The following GSK3B variants were observed in gnomAD, a reference collection of about 807,000 sequenced individuals.
GSK3B encodes the protein glycogen synthase kinase 3 beta, also known as glycogen synthase kinase-3 beta.
A neutral mutation model predicts 56.4 loss-of-function variants in GSK3B; 15 were observed. That is an observed-to-expected ratio of 0.27 (90% CI 0.18 to 0.41). The LOEUF (loss-of-function observed/expected upper bound fraction) is 0.41, where lower values mean the gene tolerates loss of function less well. GSK3B is among the 10% of genes least tolerant of loss of function. The probability of loss-of-function intolerance (pLI) is 1.00; values close to 1 mark genes in which losing one functional copy is unlikely to be tolerated. For synonymous variants in GSK3B, 181 were observed against 188.9 expected, an observed-to-expected ratio of 0.96 and a Z score of 0.34; for missense variants, 300 against 513.4, an observed-to-expected ratio of 0.58 and a Z score of 4.02.
intron 1 of GSK3B, among the ~76,000 whole-genome samples, chr3:120,069,854 A>G (rs1170896877): frequency 6.6e-6 from 1 of 152,172 alleles, no homozygotes; most frequent in Non-Finnish European, 1.5e-5. Context: ...AATGCCCTAT[A>G]AAATATATTT....
intron 1 of GSK3B, among the ~76,000 whole-genome samples, chr3:120,089,608 T>C (rs2058494044): frequency 6.6e-6 from 1 of 152,216 alleles, no homozygotes; most frequent in South Asian, 2.1e-4. Flanking sequence ...TAAAAAAGTT[T>C]TATATGAGGA....
intron 10 of GSK3B, among the ~76,000 whole-genome samples, chr3:119,840,213 T>C (rs1257433953): frequency 7.4e-6 from 1 of 134,688 alleles, no homozygotes; most frequent in East Asian, 2.2e-4. Flanking sequence ...AAAACATGTC[T>C]GATGCCGAGA....
At chr3:119,857,365 C>T (rs980825281) in intron 9 of GSK3B, among the ~76,000 whole-genome samples, 1 of 152,176 alleles carries the variant, frequency 6.6e-6, no homozygotes, top group Non-Finnish European at 1.5e-5. Flanking sequence ...ACCCTGTCAC[C>T]GCTTTCAACT....
At chr3:119,851,785 T>C (rs568984843) in intron 9 of GSK3B, among the ~76,000 whole-genome samples, 1 of 152,346 alleles carries the variant, frequency 6.6e-6, no homozygotes, top group East Asian at 1.9e-4. Context: ...ATATAATAAT[T>C]GTCAGTGGTT....
chr3:120,094,440 C>T lies in GSK3B; in HGVS notation c.-1006G>A, dbSNP rs577497448. The stretch of plus-strand genomic sequence containing the variant: ...CCGCATTCGCCCGGGTCAGGAGCTG[C>T]TCTGTGTGAGGAGCGCTGTCTGCGC... On this transcript the variant is annotated 5_prime_UTR_variant, in exon 1 of 11. Transcript: ENST00000264235. 17 of 274,496 alleles carry T rather than the reference C, an allele frequency of 6.2e-5. No individual in the cohort carries two copies. Among genetic ancestry groups the T allele is most frequent in the African/African-American group, 3.6e-4 (16 of 44,882 alleles). 17.0% of individuals were successfully genotyped at this position (274,496 alleles called of 1,614,324 possible).
At chr3:119,892,400 T>C (rs967170679) in intron 7 of GSK3B, among the ~76,000 whole-genome samples, 12 of 152,158 alleles carry the variant, frequency 7.9e-5, no homozygotes, top group African/African-American at 2.9e-4. Context: ...TCCCTTCCGC[T>C]CCCTATCTGG....
At chr3:119,973,445 T>C (rs917980757) in intron 2 of GSK3B, among the ~76,000 whole-genome samples, 1 of 152,182 alleles carries the variant, frequency 6.6e-6, no homozygotes. Flanking sequence ...CGTCTAACCA[T>C]GGACATTATT....
chr3:119,912,182 G>A (rs2056740781), intron 6 of GSK3B, among the ~76,000 whole-genome samples: 1 of 152,058 alleles, frequency 6.6e-6, no homozygotes, highest in African/African-American at 2.4e-5. Context: ...CAGGGAATAG[G>A]GAGGCCTGAG....
rs1441303661 is a variant in GSK3B, at chr3:119,824,097, A to G, written c.*2691T>C. On this transcript the variant is annotated 3_prime_UTR_variant, in exon 11 of 11. Transcript: ENST00000264235. ...ATTAAACAGAATCACTGCCCTGAACAGTAACTTTTTGCTCATTAATAACAG... is the reference window on the plus strand; with the variant it reads ...ATTAAACAGAATCACTGCCCTGAACGGTAACTTTTTGCTCATTAATAACAG... The G allele has an allele frequency of 4.9e-6, 1 of 202,474 alleles. No individual in the cohort carries two copies. Among genetic ancestry groups the G allele is most frequent in the Non-Finnish European group, 1.0e-5 (1 of 98,408 alleles). 12.5% of individuals were successfully genotyped at this position (202,474 alleles called of 1,614,324 possible).
intron 1 of GSK3B, among the ~76,000 whole-genome samples, chr3:120,048,145 T>C (rs2058118842): frequency 6.6e-6 from 1 of 152,194 alleles, no homozygotes; most frequent in Non-Finnish European, 1.5e-5. Context: ...TGGCTACAGA[T>C]AAGGTAAAAG....
chr3:119,877,600 C>T (rs1030697481), intron 7 of GSK3B, among the ~76,000 whole-genome samples: 1 of 152,036 alleles, frequency 6.6e-6, no homozygotes, highest in African/African-American at 2.4e-5. Flanking sequence ...ATTTTAAAAC[C>T]GTCAACAATT....
intron 2 of GSK3B, among the ~76,000 whole-genome samples, chr3:119,974,054 T>C (rs950365042): frequency 6.6e-6 from 1 of 152,174 alleles, no homozygotes; most frequent in Admixed American, 6.5e-5. Context: ...GGTTTGGTGG[T>C]GACTTTTAAA....
intron 3 of GSK3B, among the ~76,000 whole-genome samples, chr3:119,937,030 T>C (rs9880833): frequency 0.018 from 2,665 of 152,154 alleles, 118 homozygotes; most frequent in African/African-American, 0.061. Flanking sequence ...TGAAATCATA[T>C]GAAATATCTT....
chr3:120,036,501 A>G (rs1374093586), intron 1 of GSK3B, among the ~76,000 whole-genome samples: 2 of 152,196 alleles, frequency 1.3e-5, no homozygotes, highest in Non-Finnish European at 1.5e-5. Context: ...ATTTAATTTA[A>G]AAAGCAAATC....
At position 119,974,192 on chromosome 3, in the gene GSK3B, A is replaced by C. The variant is rs1255838141; in HGVS notation, c.283-26841T>G. Among the ~76,000 whole-genome samples the C allele has an allele frequency of 2.0e-5, 3 of 152,230 alleles. No homozygotes were observed. In the East Asian group the frequency reaches 5.8e-4, roughly 29 times the overall value. ...ACACTCTAGGAAAAGTCTTTGCAAAATACGTATCTGATAAATGACTGTTAC... is the reference window on the plus strand; with the variant it reads ...ACACTCTAGGAAAAGTCTTTGCAAACTACGTATCTGATAAATGACTGTTAC... On this transcript the variant is annotated intron_variant, in intron 2 of 10. Transcript: ENST00000264235.
chr3:119,933,671 G>T lies in GSK3B; in HGVS notation c.367-10188C>A, dbSNP rs868232216. On this transcript the variant is annotated intron_variant, in intron 3 of 10. Transcript: ENST00000264235. Reference sequence around the variant, plus strand: ...GTGGGTGGATCACCTGAGGTCAGGAGTTCGAGCCAAGCCTGGCCAACATGG... The same window carrying T: ...GTGGGTGGATCACCTGAGGTCAGGATTTCGAGCCAAGCCTGGCCAACATGG... 2.0e-5 allele frequency among the ~76,000 whole-genome samples: 3 copies of T among 152,150 alleles called. No individual in the cohort carries two copies. The South Asian group carries it at 6.2e-4, about 32-fold the overall frequency.
chr3:119,858,071 T>A (rs2056045453), intron 9 of GSK3B, among the ~76,000 whole-genome samples: 1 of 152,206 alleles, frequency 6.6e-6, no homozygotes, highest in Non-Finnish European at 1.5e-5. Flanking sequence ...TCATGCAGAC[T>A]TTTTTGTTCC....
intron 1 of GSK3B, among the ~76,000 whole-genome samples, chr3:120,076,730 C>T (rs1462208701): frequency 2.8e-5 from 4 of 142,072 alleles, no homozygotes; most frequent in Non-Finnish European, 4.5e-5. Flanking sequence ...AGGAGAATGG[C>T]GTGAACCCGG....
rs371842280 is a variant in GSK3B, at chr3:120,035,723, GTTCC to G, written c.89-33488_89-33485del. On this transcript the variant is annotated intron_variant, in intron 1 of 10. Transcript: ENST00000264235. ...TGTTAAATGTATTCATAAGTATTTT[GTTCC>G]TTTAGATGGCATTATAAGTGGAACT... 7.4e-3 allele frequency among the ~76,000 whole-genome samples: 1,119 copies of G among 151,954 alleles called. 15 individuals are homozygous for G. Among genetic ancestry groups the G allele is most frequent in the African/African-American group, 0.025 (1,031 of 41,440 alleles).
Sources: allele counts gnomAD v4.1 joint callset (sites outside exome capture counted in the v4.1 genomes callset), GRCh38; gene constraint gnomAD v4.1.1; transcripts MANE v1.5; gene names NCBI Gene and HGNC (gene_info 2026-07-23, HGNC 2026-07-21).